SAMD12: variants seen among roughly 807,000 people sequenced by gnomAD.
The protein encoded by SAMD12 is sterile alpha motif domain containing 12.
In SAMD12, 9 loss-of-function variants were observed where a neutral mutation model predicts 15.0. That is an observed-to-expected ratio of 0.60 (90% CI 0.36 to 1.05). The LOEUF is 1.05. Among genes scored for constraint, SAMD12 ranks in the 50% least tolerant of loss-of-function variants. The pLI, the probability that SAMD12 is intolerant of heterozygous loss-of-function variation, is 0.01. For missense variants in SAMD12, 230 were observed against 234.2 expected (o/e 0.98, Z 0.12); for synonymous variants, 86 against 90.1 (o/e 0.96, Z 0.25).
At chr8:118,161,286 A>T in the SAMD12 span, among the ~76,000 whole-genome samples, 1 of 152,222 alleles carries the variant, frequency 6.6e-6, no homozygotes. Context: ...TCAATATTAT[A>T]AACTCTTCTT....
chr8:118,272,284 C>T (rs1356690505), intron 4 of SAMD12, among the ~76,000 whole-genome samples: 1 of 152,216 alleles, frequency 6.6e-6, no homozygotes, highest in African/African-American at 2.4e-5. Flanking sequence ...GTACCTTGAC[C>T]CCTTTTAGCC....
intron 2 of SAMD12, among the ~76,000 whole-genome samples, chr8:118,550,047 A>T (rs201405878): frequency 1.7e-4 from 26 of 152,168 alleles, no homozygotes; most frequent in African/African-American, 5.1e-4. Context: ...CAAATCTACG[A>T]CTGATTGGTG....
rs540111679 is a variant in SAMD12 at position 118,617,526 on chromosome 8, T to A, written c.13+4278A>T. ...AGAGCACACAGTCTTGCATTTGACA[T>A]GTTTTTCTTGGGGAGAGAGGTGAGT... On this transcript the variant is annotated intron_variant, in intron 1 of 3. Coordinates refer to ENST00000314727, the MANE Select transcript of SAMD12 (RefSeq NM_207506.3). Among the ~76,000 whole-genome samples the A allele has an allele frequency of 3.9e-5, 6 of 152,328 alleles. No homozygotes were observed. In the South Asian group the frequency reaches 6.2e-4, roughly 16 times the overall value.
At chr8:118,541,362 CT>C (rs1368953326) in intron 2 of SAMD12, among the ~76,000 whole-genome samples, 54 of 152,318 alleles carry the variant, frequency 3.5e-4, no homozygotes, top group African/African-American at 1.3e-3. Context: ...CTGAAACTGC[CT>C]ATCCACATAC....
At chr8:118,430,394 C>T (rs1025888566) in intron 3 of SAMD12, among the ~76,000 whole-genome samples, 45 of 150,160 alleles carry the variant, frequency 3.0e-4, no homozygotes, top group Admixed American at 6.6e-4. Flanking sequence ...GATGGAGTCT[C>T]GCTCTGTTGC....
chr8:118,549,313 G>C (rs1028353103), intron 2 of SAMD12, among the ~76,000 whole-genome samples: 1 of 152,218 alleles, frequency 6.6e-6, no homozygotes, highest in South Asian at 2.1e-4. Context: ...CACACAGCCA[G>C]GTACTCCTCT....
chr8:118,619,643 G>T (rs1828340861), intron 1 of SAMD12, among the ~76,000 whole-genome samples: 1 of 152,040 alleles, frequency 6.6e-6, no homozygotes, highest in South Asian at 2.1e-4. Flanking sequence ...ACCTATTATG[G>T]GCAAAGTACT....
intron 4 of SAMD12, among the ~76,000 whole-genome samples, chr8:118,305,696 T>C (rs1815311391): frequency 6.6e-6 from 1 of 152,188 alleles, no homozygotes; most frequent in South Asian, 2.1e-4. Flanking sequence ...AAGGTCCCAG[T>C]GATTACTAAT....
chr8:118,547,240 T>C (rs1334567379), intron 2 of SAMD12, among the ~76,000 whole-genome samples: 1 of 152,200 alleles, frequency 6.6e-6, no homozygotes, highest in Non-Finnish European at 1.5e-5. Flanking sequence ...CAAACACCTA[T>C]GAGTCTGCTG....
At chr8:118,457,599 G>A (rs770728589) in intron 2 of SAMD12, among the ~76,000 whole-genome samples, 2 of 152,086 alleles carry the variant, frequency 1.3e-5, no homozygotes, top group African/African-American at 2.4e-5. Context: ...TCCCTGGGGC[G>A]TAATTCACTC....
At chr8:118,142,834 T>C in the SAMD12 span, among the ~76,000 whole-genome samples, 1 of 152,146 alleles carries the variant, frequency 6.6e-6, no homozygotes, top group Non-Finnish European at 1.5e-5. Flanking sequence ...TCCTGTGTCA[T>C]AGAGCTAATG....
chr8:118,480,344 T>C (rs1824090695), intron 2 of SAMD12, among the ~76,000 whole-genome samples: 1 of 152,216 alleles, frequency 6.6e-6, no homozygotes, highest in Non-Finnish European at 1.5e-5. Context: ...TGCTACTCCT[T>C]AGTATCCTGT....
intron 2 of SAMD12, among the ~76,000 whole-genome samples, chr8:118,558,694 G>C (rs1043781732): frequency 6.6e-6 from 1 of 152,126 alleles, no homozygotes; most frequent in Non-Finnish European, 1.5e-5. Flanking sequence ...GAGTAGCTGG[G>C]ACTACAGGCG....
In SAMD12 at chr8:118,571,028, C is replaced by T. The variant is rs1217589659; in HGVS notation, c.192+9687G>A. The stretch of plus-strand genomic sequence containing the variant: ...ACGTGGAAGTGTAAGTCCCATTAAG[C>T]CTCTTTCTTTTATAAATTGCACAGT... On this transcript the variant is annotated intron_variant, in intron 2 of 3. Coordinates refer to ENST00000314727, the MANE Select transcript of SAMD12 (RefSeq NM_207506.3). 3.3e-5 allele frequency among the ~76,000 whole-genome samples: 5 copies of T among 152,162 alleles called. No homozygotes were observed. In the East Asian group the frequency reaches 7.7e-4, roughly 23 times the overall value.
At chr8:118,330,874 T>C (rs61052137) in intron 4 of SAMD12, among the ~76,000 whole-genome samples, 104 of 152,260 alleles carry the variant, frequency 6.8e-4, no homozygotes, top group Admixed American at 4.8e-3. Flanking sequence ...TGTTCACTAT[T>C]TGGGGGACAA....
At chr8:118,598,679 G>C (rs975165182) in intron 1 of SAMD12, among the ~76,000 whole-genome samples, 2 of 152,182 alleles carry the variant, frequency 1.3e-5, no homozygotes, top group Non-Finnish European at 2.9e-5. Flanking sequence ...CCTTCTGGGT[G>C]AATAGGATTG....
intron 2 of SAMD12, among the ~76,000 whole-genome samples, chr8:118,510,835 G>C (rs2099739679): frequency 6.6e-6 from 1 of 152,182 alleles, no homozygotes; most frequent in South Asian, 2.1e-4. Flanking sequence ...AGCTAAAAGT[G>C]CTAATGACTC....
chr8:118,532,603 C>T (rs963285366), intron 2 of SAMD12, among the ~76,000 whole-genome samples: 4 of 152,100 alleles, frequency 2.6e-5, no homozygotes, highest in African/African-American at 9.7e-5. Context: ...TTAATTGTTG[C>T]CTCAATTTCA....
rs754560423 is a variant in SAMD12, at chr8:118,621,961, G to A, written c.-145C>T. ...AACCTGCCGCGGTCACGCAAAGCGAGGCAGCCGGCTCCCGGCTCGGCGCGC... is the reference window on the plus strand; with the variant it reads ...AACCTGCCGCGGTCACGCAAAGCGAAGCAGCCGGCTCCCGGCTCGGCGCGC... On this transcript the variant is annotated 5_prime_UTR_variant, in exon 1 of 4. Coordinates refer to ENST00000314727, the MANE Select transcript of SAMD12 (RefSeq NM_207506.3). 53 of 1,001,054 alleles carry A rather than the reference G, an allele frequency of 5.3e-5. No individual in the cohort carries two copies. Among genetic ancestry groups the A allele is most frequent in the South Asian group, 2.5e-4 (19 of 77,306 alleles). 62.0% of individuals were successfully genotyped at this position (1,001,054 alleles called of 1,614,324 possible).
Sources: gnomAD v4.1 joint callset for allele counts (sites outside exome capture counted in the v4.1 genomes callset) on GRCh38, gnomAD v4.1.1 for gene constraint, MANE v1.5 for transcripts, NCBI Gene and HGNC (gene_info 2026-07-23, HGNC 2026-07-21) for gene names.